The following AIDA variants were observed in gnomAD, a reference collection of about 807,000 sequenced individuals.
The protein encoded by AIDA is axin interactor, dorsalization associated, also known as axin interactor, dorsalization-associated protein.
In AIDA, 18 loss-of-function variants were observed where a neutral mutation model predicts 42.7. That is an observed-to-expected ratio of 0.42 (90% CI 0.29 to 0.63). The LOEUF (loss-of-function observed/expected upper bound fraction) is 0.63, where lower values mean the gene tolerates loss of function less well. AIDA is among the 20% of genes least tolerant of loss of function. The probability of loss-of-function intolerance (pLI) is 0.19; values close to 1 mark genes in which losing one functional copy is unlikely to be tolerated. For missense variants in AIDA, 250 were observed against 354.1 expected, an observed-to-expected ratio of 0.71 and a Z score of 2.36; for synonymous variants, 104 against 122.9, an observed-to-expected ratio of 0.85 and a Z score of 1.02.
chr1:222,707,152 G>T lies in AIDA; in HGVS notation c.111-3935C>A, dbSNP rs1469831970. ...AAATTATACCTCAATAAAGTTGTCT[G>T]TAAAATAACTTTTTTTTTGAGACAG... On this transcript the variant is annotated intron_variant, in intron 1 of 9. Transcript: ENST00000340020. 6.6e-5 allele frequency among the ~76,000 whole-genome samples: 10 copies of T among 151,954 alleles called. No individual in the cohort carries two copies. In the South Asian group the frequency reaches 1.9e-3, roughly 29 times the overall value.
intron 4 of AIDA, among the ~76,000 whole-genome samples, chr1:222,689,535 A>ACG: frequency 9.1e-6 from 1 of 109,948 alleles, no homozygotes; most frequent in African/African-American, 3.4e-5. Flanking sequence ...ACATACACAC[A>ACG]CACACATATA....
Position 222,712,455 on chromosome 1 carries a change from G to A in AIDA, c.-138C>T, listed in dbSNP as rs1656115672. ...GGCCACCACCGCCACCCGCCGAGGA[G>A]CCGCCCAAGCCCATTTGCCGCCACA... is the stretch of plus-strand genomic sequence containing the variant. On this transcript the variant is annotated 5_prime_UTR_variant, in exon 1 of 10. Coordinates refer to ENST00000340020, the MANE Select transcript of AIDA (RefSeq NM_022831.4). 11 of 1,429,328 alleles carry A rather than the reference G, an allele frequency of 7.7e-6. No individual in the cohort carries two copies. The highest frequency in any genetic ancestry group is 2.9e-5 in the African/African-American group (2 of 68,828). 88.5% of individuals were successfully genotyped at this position (1,429,328 alleles called of 1,614,324 possible). A position where few individuals can be genotyped will look rare whatever the true frequency, so the allele number is the denominator to read the frequency against.
intron 3 of AIDA, 75 bp downstream of exon 3, chr1:222,694,135 A>T (rs1655450846): frequency 7.5e-7 from 1 of 1,329,124 alleles, no homozygotes; most frequent in Non-Finnish European, 1.0e-6. Context: ...CTTTTGACAT[A>T]AATGTCTAAT....
At position 222,689,516 on chromosome 1, in the gene AIDA, T is replaced by C. The variant is rs866526738; in HGVS notation, c.290-1858A>G. Among the ~76,000 whole-genome samples the C allele has an allele frequency of 2.5e-3, 182 of 74,044 alleles. 4 individuals carry two copies. The highest frequency in any genetic ancestry group is 5.1e-3 in the African/African-American group (88 of 17,388). 48.6% of individuals were successfully genotyped at this position (74,044 alleles called of 152,430 possible). A position where few individuals can be genotyped will look rare whatever the true frequency, so the allele number is the denominator to read the frequency against. ...ATATATATATATATATATATATATA[T>C]ATATACACACATACACACACACACA... On this transcript the variant is annotated intron_variant, in intron 4 of 9. Transcript: ENST00000340020.
At chr1:222,678,874 T>C (rs1218848323) in intron 6 of AIDA, among the ~76,000 whole-genome samples, 1 of 152,232 alleles carries the variant, frequency 6.6e-6, no homozygotes, top group Admixed American at 6.5e-5. Context: ...CAGTCCTTTT[T>C]TCGTTCACTC....
intron 2 of AIDA, among the ~76,000 whole-genome samples, chr1:222,702,546 T>G (rs1655737758): frequency 1.3e-5 from 2 of 152,160 alleles, no homozygotes; most frequent in Non-Finnish European, 2.9e-5. Flanking sequence ...CACAAAAAAT[T>G]TAATTCAAGG....
Position 222,701,925 on chromosome 1 carries a change from T to C in AIDA, c.180+1223A>G, listed in dbSNP as rs539216673. Among the ~76,000 whole-genome samples, 4 of 152,010 alleles carry C rather than the reference T, an allele frequency of 2.6e-5. No individual in the cohort carries two copies. In the South Asian group the frequency reaches 8.3e-4, roughly 32 times the overall value. ...TTTTAGTAGAGACGGGGTTTTACCA[T>C]ATTGGCCAGGCTGGTCTCGAACTCC... On this transcript the variant is annotated intron_variant, in intron 2 of 9. Transcript: ENST00000340020.
At chr1:222,675,764 T>C (rs531060442) in intron 7 of AIDA, among the ~76,000 whole-genome samples, 1 of 152,280 alleles carries the variant, frequency 6.6e-6, no homozygotes, top group African/African-American at 2.4e-5. Flanking sequence ...TGAGGGACAT[T>C]CTGTTAACCT....
Position 222,670,373 on chromosome 1 carries a change from G to C in AIDA, c.707-123C>G, listed in dbSNP as rs1571920929. The C allele has an allele frequency of 3.5e-5, 26 of 738,120 alleles. No homozygotes were observed. The East Asian group carries it at 6.7e-4, about 19-fold the overall frequency. The allele number at this position is 738,120 out of a possible 1,614,324, so 45.7% of individuals were successfully genotyped here. On this transcript the variant is annotated intron_variant, in intron 8 of 9. Transcript: ENST00000340020. The stretch of plus-strand genomic sequence containing the variant: ...CTGGCATAATTTGACAAAACAACTT[G>C]TGCCAGTCTCAATGATTTGACAGTA...
At chr1:222,693,654 A>C in intron 4 of AIDA, 135 bp downstream of exon 4, 3 of 653,936 alleles carry the variant, frequency 4.6e-6, no homozygotes, top group Middle Eastern at 9.7e-4. Context: ...AAGTAACAAA[A>C]GCACCCAAAA....
chr1:222,685,198 AC>A (rs1664722014), intron 6 of AIDA, among the ~76,000 whole-genome samples: 1 of 152,236 alleles, frequency 6.6e-6, no homozygotes, highest in Non-Finnish European at 1.5e-5. Flanking sequence ...AGAGAGGATG[AC>A]AAGCGTAACA....
chr1:222,699,260 T>TA (rs888214144), intron 2 of AIDA, among the ~76,000 whole-genome samples: 2 of 152,188 alleles, frequency 1.3e-5, no homozygotes, highest in Admixed American at 6.5e-5. Context: ...CAATTAAAAA[T>TA]AAAAAACATA....
intron 6 of AIDA, among the ~76,000 whole-genome samples, chr1:222,677,711 T>A (rs1359912276): frequency 2.0e-5 from 3 of 152,180 alleles, no homozygotes; most frequent in Non-Finnish European, 4.4e-5. Flanking sequence ...ATTACCTTGA[T>A]ATATGTATCT....
intron 8 of AIDA, 80 bp from the exon 9 acceptor site, chr1:222,670,330 G>T: frequency 1.8e-6 from 2 of 1,108,586 alleles, no homozygotes; most frequent in Non-Finnish European, 2.7e-6. Flanking sequence ...ATCACCAGAA[G>T]CATATGAACA....
chr1:222,697,991 G>T (rs1655569346), intron 2 of AIDA, among the ~76,000 whole-genome samples: 1 of 152,140 alleles, frequency 6.6e-6, no homozygotes, highest in African/African-American at 2.4e-5. Context: ...CATGAGACAG[G>T]ATATTCTATT....
At chr1:222,685,881 C>A (rs1427615389) in intron 6 of AIDA, among the ~76,000 whole-genome samples, 2 of 152,166 alleles carry the variant, frequency 1.3e-5, no homozygotes, top group South Asian at 4.1e-4. Context: ...TACTTATGGC[C>A]GGGCGCAATG....
At chr1:222,691,799 G>C (rs1430250209) in intron 4 of AIDA, among the ~76,000 whole-genome samples, 1 of 145,628 alleles carries the variant, frequency 6.9e-6, no homozygotes, top group Non-Finnish European at 1.5e-5. Flanking sequence ...TAATAAAATG[G>C]GGGAAAAAAT....
chr1:222,678,815 A>G (rs985131592), intron 6 of AIDA, among the ~76,000 whole-genome samples: 4 of 151,582 alleles, frequency 2.6e-5, no homozygotes, highest in African/African-American at 9.7e-5. Context: ...CAACTCCTAC[A>G]CTCCCTTTGA....
chr1:222,683,848 T>C (rs189820981), intron 6 of AIDA, among the ~76,000 whole-genome samples: 7 of 152,314 alleles, frequency 4.6e-5, no homozygotes, highest in Admixed American at 2.0e-4. Flanking sequence ...TATGTTTGTC[T>C]TAAAAAATTT....
Sources: gnomAD v4.1 joint callset for allele counts (sites outside exome capture counted in the v4.1 genomes callset) on GRCh38, gnomAD v4.1.1 for gene constraint, MANE v1.5 for transcripts, NCBI Gene and HGNC (gene_info 2026-07-23, HGNC 2026-07-21) for gene names.